Variants in WASF3 observed in about 807,000 individuals in gnomAD.
WASF3 encodes WASP family member 3.
Under a neutral mutation model 46.6 loss-of-function variants are expected in WASF3, and 11 were observed. That is an observed-to-expected ratio of 0.24 (90% CI 0.15 to 0.39). WASF3 has a LOEUF of 0.39. WASF3 is among the 10% of genes least tolerant of loss of function. WASF3 has a pLI of 1.00. For missense variants in WASF3, 576 were observed against 669.8 expected (o/e 0.86, Z 1.55); for synonymous variants, 242 against 259.7 (o/e 0.93, Z 0.65).
chr13:26,572,730 T>C (rs1378917118), intron 1 of WASF3, among the ~76,000 whole-genome samples: 1 of 152,028 alleles, frequency 6.6e-6, no homozygotes, highest in Non-Finnish European at 1.5e-5. Flanking sequence ...TTTTTGTATT[T>C]TTAGTAGAGA....
At position 26,661,825 on chromosome 13, in the gene WASF3, TG is replaced by T. The variant is rs1358222383; in HGVS notation, c.134-3201del. Among the ~76,000 whole-genome samples, 8 of 152,248 alleles carry T rather than the reference TG, an allele frequency of 5.3e-5. No homozygotes were observed. The East Asian group carries it at 1.5e-3, about 29-fold the overall frequency. On this transcript the variant is annotated intron_variant, in intron 3 of 9. Coordinates refer to ENST00000335327, the MANE Select transcript of WASF3 (RefSeq NM_006646.6). ...GCATCCTAATGGGTATGAGAGGTGG[TG>T]GTGAGAGGGATTTCAGTCATTCTTA...
At chr13:26,627,231 TAATTAA>T (rs979714563) in intron 2 of WASF3, among the ~76,000 whole-genome samples, 3 of 151,920 alleles carry the variant, frequency 2.0e-5, no homozygotes, top group Non-Finnish European at 2.9e-5. Context: ...AATATAAAAT[TAATTAA>T]AATTATATTA....
chr13:26,568,788 A>AC (rs1879547960), intron 1 of WASF3, among the ~76,000 whole-genome samples: 1 of 152,180 alleles, frequency 6.6e-6, no homozygotes, highest in South Asian at 2.1e-4. Context: ...GAAAGTTAGT[A>AC]CCATAGGACT....
chr13:26,551,227 G>T, the WASF3 span, among the ~76,000 whole-genome samples: 1 of 152,156 alleles, frequency 6.6e-6, no homozygotes, highest in African/African-American at 2.4e-5. Context: ...TTCCTGTTAA[G>T]CGTGCAGAAC....
the WASF3 span, among the ~76,000 whole-genome samples, chr13:26,549,181 C>T: frequency 6.6e-6 from 1 of 151,968 alleles, no homozygotes; most frequent in Admixed American, 6.6e-5. Flanking sequence ...AGAGTTTCAC[C>T]ATGTTGGCCA....
At chr13:26,661,079 C>T (rs1479011686) in intron 3 of WASF3, among the ~76,000 whole-genome samples, 1 of 152,202 alleles carries the variant, frequency 6.6e-6, no homozygotes, top group Non-Finnish European at 1.5e-5. Context: ...GAGGGATCCA[C>T]CCTTGTGATC....
intron 1 of WASF3, among the ~76,000 whole-genome samples, chr13:26,575,556 G>A (rs1446206324): frequency 6.6e-6 from 1 of 152,186 alleles, no homozygotes; most frequent in Non-Finnish European, 1.5e-5. Flanking sequence ...TTAGCCTGTG[G>A]TCCAGATGAT....
chr13:26,594,777 T>C (rs1461678761), intron 1 of WASF3, among the ~76,000 whole-genome samples: 1 of 150,904 alleles, frequency 6.6e-6, no homozygotes, highest in Non-Finnish European at 1.5e-5. Context: ...TCCTGGGGAT[T>C]TTTCTTCCTT....
intron 2 of WASF3, among the ~76,000 whole-genome samples, chr13:26,624,639 A>AT (rs1351132426): frequency 5.0e-3 from 748 of 148,810 alleles, no homozygotes; most frequent in Non-Finnish European, 6.7e-3. Flanking sequence ...CCCAAGCAGG[A>AT]TTTTTTTTTT....
chr13:26,575,412 C>T (rs557197651), intron 1 of WASF3, among the ~76,000 whole-genome samples: 6 of 152,256 alleles, frequency 3.9e-5, no homozygotes, highest in African/African-American at 1.2e-4. Flanking sequence ...CTTTTGCTTA[C>T]GTTTCTTTAG....
chr13:26,676,763 G>C, intron 7 of WASF3, 39 bp downstream of exon 7: 2 of 1,573,070 alleles, frequency 1.3e-6, no homozygotes, highest in East Asian at 4.6e-5. Context: ...CTGATGCTTG[G>C]GCAACTGGGT....
At chr13:26,549,916 C>A in the WASF3 span, among the ~76,000 whole-genome samples, 1 of 152,134 alleles carries the variant, frequency 6.6e-6, no homozygotes, top group African/African-American at 2.4e-5. Flanking sequence ...GCCCGGGTGG[C>A]TTATATAACT....
At chr13:26,678,456 T>C (rs1883128985) in intron 7 of WASF3, among the ~76,000 whole-genome samples, 1 of 152,192 alleles carries the variant, frequency 6.6e-6, no homozygotes, top group Non-Finnish European at 1.5e-5. Context: ...TTTACAAAAT[T>C]GGAGTCATGC....
intron 3 of WASF3, among the ~76,000 whole-genome samples, chr13:26,645,203 A>G (rs1882113991): frequency 2.0e-5 from 3 of 152,148 alleles, no homozygotes; most frequent in Admixed American, 6.5e-5. Context: ...GTCCTCATCA[A>G]TAAGATTAGT....
intron 8 of WASF3, 25 bp downstream of exon 8, chr13:26,681,345 A>C (rs1479844459): frequency 2.7e-5 from 42 of 1,541,112 alleles, no homozygotes; most frequent in Non-Finnish European, 3.2e-5. Flanking sequence ...CTTGTACCCT[A>C]ATCCCTCCTG....
intron 4 of WASF3, among the ~76,000 whole-genome samples, chr13:26,666,910 A>C (rs1355243204): frequency 6.6e-6 from 1 of 151,262 alleles, no homozygotes; most frequent in Non-Finnish European, 1.5e-5. Context: ...TAATAAATGA[A>C]ATGTAAAGTG....
chr13:26,642,620 A>G (rs1593165922), intron 3 of WASF3, among the ~76,000 whole-genome samples: 2 of 152,368 alleles, frequency 1.3e-5, no homozygotes, highest in Middle Eastern at 3.4e-3. Flanking sequence ...CCAACTCACA[A>G]ATTATTAGAT....
intron 2 of WASF3, among the ~76,000 whole-genome samples, chr13:26,613,634 G>T (rs1251058286): frequency 6.6e-6 from 1 of 152,108 alleles, no homozygotes; most frequent in Non-Finnish European, 1.5e-5. Flanking sequence ...GTCGGGTGTG[G>T]TGGCATGTGC....
At chr13:26,586,861 A>G (rs1274160624) in intron 1 of WASF3, among the ~76,000 whole-genome samples, 1 of 151,940 alleles carries the variant, frequency 6.6e-6, no homozygotes, top group Non-Finnish European at 1.5e-5. Context: ...TTTGGTTTCT[A>G]TATTCTCATC....
Sources: allele counts gnomAD v4.1 joint callset (sites outside exome capture counted in the v4.1 genomes callset), GRCh38; gene constraint gnomAD v4.1.1; transcripts MANE v1.5; gene names NCBI Gene and HGNC (gene_info 2026-07-23, HGNC 2026-07-21).